The following VPS13B variants were observed in gnomAD, a reference collection of about 807,000 sequenced individuals.
The protein encoded by VPS13B is intermembrane lipid transfer protein VPS13B.
Under a neutral mutation model 426.4 loss-of-function variants are expected in VPS13B, and 285 were observed. The observed-to-expected ratio is 0.67, with a 90% CI of 0.61 to 0.74. The LOEUF (loss-of-function observed/expected upper bound fraction) is 0.74, where lower values mean the gene tolerates loss of function less well. Among genes scored for constraint, VPS13B ranks in the 30% least tolerant of loss-of-function variants. The pLI is 0.00. For missense variants in VPS13B, 4,537 were observed against 4,782.6 expected (o/e 0.95, Z 1.51); for synonymous variants, 1,676 against 1,676.4 (o/e 1.00, Z 0.01).
At chr8:99,318,476 A>G (rs910036916) in intron 19 of VPS13B, among the ~76,000 whole-genome samples, 3 of 152,166 alleles carry the variant, frequency 2.0e-5, no homozygotes, top group Non-Finnish European at 2.9e-5. Context: ...AGGAACTTCA[A>G]TATAAGAAAA....
chr8:99,706,527 T>C (rs1240822932), intron 36 of VPS13B, among the ~76,000 whole-genome samples: 1 of 152,160 alleles, frequency 6.6e-6, no homozygotes, highest in African/African-American at 2.4e-5. Flanking sequence ...AAATCCAGTG[T>C]AGTCATTATA....
intron 6 of VPS13B, among the ~76,000 whole-genome samples, chr8:99,113,569 C>T (rs1847485847): frequency 6.6e-6 from 1 of 152,040 alleles, no homozygotes; most frequent in South Asian, 2.1e-4. Context: ...TATTTCTTTT[C>T]TTCTTTTTTT....
At chr8:99,088,043 G>T (rs560696469) in intron 3 of VPS13B, among the ~76,000 whole-genome samples, 1 of 151,982 alleles carries the variant, frequency 6.6e-6, no homozygotes, top group South Asian at 2.1e-4. Context: ...AATTAGCTGG[G>T]CGTGGTGGCA....
rs73271323 is a variant in VPS13B, at chr8:99,523,172, G to A, written c.4745+2162G>A. On this transcript the variant is annotated intron_variant, in intron 30 of 61. Coordinates refer to ENST00000357162, the MANE Select transcript of VPS13B (RefSeq NM_152564.5). ...AGAGTGGGAAAGGACTTTGTCTTGC[G>A]GCTTGGGTGCCAGCTCATCCTCAAT... Among the ~76,000 whole-genome samples, 365 of 152,242 alleles carry A rather than the reference G, an allele frequency of 2.4e-3. No homozygotes were observed. The Middle Eastern group carries it at 0.027, about 11-fold the overall frequency.
At chr8:99,861,699 G>C (rs141066626) in intron 57 of VPS13B, 77 bp from the exon 58 acceptor site, 1 of 1,541,696 alleles carries the variant, frequency 6.5e-7, no homozygotes, top group Non-Finnish European at 8.8e-7. Context: ...AGGTGCTCCC[G>C]CTGCCTCTGA....
intron 55 of VPS13B, among the ~76,000 whole-genome samples, chr8:99,849,880 A>C (rs893555626): frequency 2.6e-5 from 4 of 152,176 alleles, no homozygotes; most frequent in African/African-American, 7.2e-5. Context: ...ATAATATTGA[A>C]TATATATGAT....
At position 99,697,198 on chromosome 8, in the gene VPS13B, G is replaced by T. The variant is rs544921891; in HGVS notation, c.6047-2327G>T. 2 of 558,280 alleles carry T rather than the reference G, an allele frequency of 3.6e-6. 1 individual carries two copies. Among genetic ancestry groups the T allele is most frequent in the South Asian group, 3.8e-5 (2 of 52,372 alleles). The allele number at this position is 558,280 out of a possible 1,614,324, so 34.6% of individuals were successfully genotyped here. On this transcript the variant is annotated intron_variant, in intron 35 of 61. Coordinates refer to ENST00000357162, the MANE Select transcript of VPS13B (RefSeq NM_152564.5). ...CAGGTGAAAGTGGCTGAGGTGGAGG[G>T]TGGGCAAGTGCACAAGGTAAAGCTG...
intron 30 of VPS13B, among the ~76,000 whole-genome samples, chr8:99,534,032 T>C (rs1156300735): frequency 1.3e-5 from 2 of 152,224 alleles, no homozygotes; most frequent in Non-Finnish European, 2.9e-5. Context: ...AATCCTATAA[T>C]GGTTAGTGTT....
intron 17 of VPS13B, among the ~76,000 whole-genome samples, chr8:99,265,569 G>A (rs1818252405): frequency 6.6e-6 from 1 of 152,076 alleles, no homozygotes; most frequent in Non-Finnish European, 1.5e-5. Flanking sequence ...CCTCTCCAAA[G>A]TAAACCCTTT....
At chr8:99,745,811 G>A (rs1344172378) in intron 39 of VPS13B, among the ~76,000 whole-genome samples, 1 of 151,772 alleles carries the variant, frequency 6.6e-6, no homozygotes, top group Non-Finnish European at 1.5e-5. Flanking sequence ...TTGTTTTTCT[G>A]GAATATTTTA....
chr8:99,536,641 C>A (rs1823242304), intron 30 of VPS13B: 2 of 534,274 alleles, frequency 3.7e-6, no homozygotes, highest in Admixed American at 3.9e-5. Flanking sequence ...TGACTGTCAT[C>A]CAAGTATGGG....
At chr8:99,402,869 C>T (rs1815114741) in intron 21 of VPS13B, among the ~76,000 whole-genome samples, 1 of 152,204 alleles carries the variant, frequency 6.6e-6, no homozygotes, top group African/African-American at 2.4e-5. Context: ...GCAGTCTATG[C>T]AATGATGTTG....
At chr8:99,234,320 C>T in intron 17 of VPS13B, 1 of 754,726 alleles carries the variant, frequency 1.3e-6, no homozygotes, top group South Asian at 1.3e-5. Flanking sequence ...CTCCACTATC[C>T]CGTGTTGAGC....
chr8:99,039,594 G>C (rs1842888452), intron 3 of VPS13B, among the ~76,000 whole-genome samples: 1 of 150,870 alleles, frequency 6.6e-6, no homozygotes, highest in Admixed American at 6.6e-5. Context: ...TTAGTTTTAA[G>C]GAAGATTGGC....
chr8:99,767,061 T>C, intron 40 of VPS13B, 91 bp downstream of exon 40: 2 of 1,249,594 alleles, frequency 1.6e-6, no homozygotes, highest in Non-Finnish European at 2.3e-6. Context: ...CTTAACTGTA[T>C]CTCAGCTGTC....
chr8:99,675,894 C>T (rs1830914055), intron 35 of VPS13B, among the ~76,000 whole-genome samples: 2 of 151,908 alleles, frequency 1.3e-5, no homozygotes, highest in Non-Finnish European at 2.9e-5. Flanking sequence ...TATTGAGTTT[C>T]CTTAAAGCAA....
intron 21 of VPS13B, among the ~76,000 whole-genome samples, chr8:99,428,772 A>C (rs906371823): frequency 1.3e-5 from 2 of 152,190 alleles, no homozygotes; most frequent in African/African-American, 4.8e-5. Flanking sequence ...CCAGCCATCC[A>C]TTACTTGGTA....
intron 17 of VPS13B, among the ~76,000 whole-genome samples, chr8:99,231,263 G>C (rs906292934): frequency 6.6e-6 from 1 of 151,668 alleles, no homozygotes; most frequent in Non-Finnish European, 1.5e-5. Context: ...TACTAACCTA[G>C]TACTTTTTTT....
Position 99,156,853 on chromosome 8 carries a change from G to C in VPS13B, c.2208+110G>C. The C allele has an allele frequency of 3.0e-6, 3 of 997,452 alleles. No individual in the cohort carries two copies. The South Asian group carries it at 4.5e-5, about 15-fold the overall frequency. 61.8% of individuals were successfully genotyped at this position (997,452 alleles called of 1,614,324 possible). The stretch of plus-strand genomic sequence containing the variant: ...TTTCAGAGAAATAGTACTCTAAAAG[G>C]TAAGATTTAAATAAGAAATAAGATG... On this transcript the variant is annotated intron_variant, in intron 15 of 61. Coordinates refer to ENST00000357162, the MANE Select transcript of VPS13B (RefSeq NM_152564.5).
Sources: gnomAD v4.1 joint callset for allele counts (sites outside exome capture counted in the v4.1 genomes callset) on GRCh38, gnomAD v4.1.1 for gene constraint, MANE v1.5 for transcripts, NCBI Gene and HGNC (gene_info 2026-07-23, HGNC 2026-07-21) for gene names.